PSMD1: variants seen among roughly 807,000 people sequenced by gnomAD.
PSMD1 encodes the protein proteasome 26S subunit, non-ATPase 1.
A neutral mutation model predicts 119.0 loss-of-function variants in PSMD1; 18 were observed. The observed-to-expected ratio is 0.15, with a 90% confidence interval of 0.10 to 0.22. PSMD1 has a LOEUF of 0.22. Ranked by LOEUF, PSMD1 falls within the 10% of genes least tolerant of loss-of-function variation. The pLI is 1.00. For synonymous variants in PSMD1, 374 were observed against 396.6 expected, an observed-to-expected ratio of 0.94 and a Z score of 0.68; for missense variants, 702 against 1,158.5, an observed-to-expected ratio of 0.61 and a Z score of 5.72.
chr2:231,099,762 G>A (rs1420706760), intron 16 of PSMD1, among the ~76,000 whole-genome samples: 3 of 152,140 alleles, frequency 2.0e-5, no homozygotes, highest in Non-Finnish European at 4.4e-5. Context: ...CTGGAGGTTT[G>A]TGTGAGGTTC....
intron 16 of PSMD1, among the ~76,000 whole-genome samples, chr2:231,090,006 G>A (rs1249838524): frequency 6.6e-6 from 1 of 152,158 alleles, no homozygotes; most frequent in East Asian, 1.9e-4. Flanking sequence ...CAGCACATCT[G>A]TTTATGTGGT....
At chr2:231,125,162 A>G (rs1695689811) in intron 16 of PSMD1, 1 of 152,214 alleles carries the variant, frequency 6.6e-6, no homozygotes, top group Non-Finnish European at 1.5e-5. Flanking sequence ...TGATACATTC[A>G]TTTTTAGAGA....
In PSMD1 at chr2:231,146,302, A is replaced by T; in HGVS notation, c.2061A>T (p.Ala687=). ...NDPVNYVRQG[A]LIASALIMIQ... ...CCGTGAACTACGTGAGGCAAGGGGC[A>T]CTCATAGCTTCAGCTCTCATCATGA... The change falls in exon 18 of 25, where the codon GCA becomes GCT. Residue 687 remains alanine, a synonymous_variant. Transcript: ENST00000308696. 1 of 1,613,972 alleles carries T rather than the reference A, an allele frequency of 6.2e-7. No individual in the cohort carries two copies. Among genetic ancestry groups the T allele is most frequent in the Non-Finnish European group, 8.5e-7 (1 of 1,179,898 alleles).
At chr2:231,160,151 T>G (rs142578196) in intron 19 of PSMD1, among the ~76,000 whole-genome samples, 49 of 152,358 alleles carry the variant, frequency 3.2e-4, no homozygotes, top group African/African-American at 1.2e-3. Context: ...TTTCATTCCT[T>G]TACATATTGT....
intron 10 of PSMD1, 44 bp downstream of exon 10, chr2:231,078,791 C>CTTTTTTTTTTTTTTTTTTTT (rs748353083): frequency 1.5e-5 from 5 of 342,880 alleles, no homozygotes; most frequent in African/African-American, 1.2e-4. Flanking sequence ...AAATCTTTTT[C>CTTTTTTTTTTTTTTTTTTTT]TTTTTTTTTT....
chr2:231,114,170 C>T (rs987399767), intron 16 of PSMD1, among the ~76,000 whole-genome samples: 1 of 152,122 alleles, frequency 6.6e-6, no homozygotes, highest in Non-Finnish European at 1.5e-5. Context: ...TCTAAGTCAG[C>T]AGCAGTTTAA....
chr2:231,062,797 C>A, intron 4 of PSMD1, 122 bp downstream of exon 4: 1 of 828,106 alleles, frequency 1.2e-6, no homozygotes, highest in Non-Finnish European at 1.7e-6. Flanking sequence ...AGTTCCTAAT[C>A]TTTCTATAAT....
At chr2:231,081,426 T>C (rs1015573651) in intron 12 of PSMD1, among the ~76,000 whole-genome samples, 2 of 152,212 alleles carry the variant, frequency 1.3e-5, no homozygotes, top group African/African-American at 4.8e-5. Flanking sequence ...GATGAACTAG[T>C]TCTCACAAAG....
At chr2:231,165,027 TA>T (rs1559255806) in intron 21 of PSMD1, 172 bp from the exon 22 acceptor site, 606 of 30,284 alleles carry the variant, frequency 0.02, 31 homozygotes, top group African/African-American at 0.073. Flanking sequence ...CTTTGATTTA[TA>T]TATATTTATA....
intron 19 of PSMD1, among the ~76,000 whole-genome samples, chr2:231,156,888 A>G (rs1559252949): frequency 6.6e-6 from 1 of 152,202 alleles, no homozygotes; most frequent in Non-Finnish European, 1.5e-5. Flanking sequence ...AGCTGTAGTC[A>G]TCATGCTGTA....
chr2:231,149,257 G>A (rs1696318318), intron 18 of PSMD1, among the ~76,000 whole-genome samples: 1 of 152,170 alleles, frequency 6.6e-6, no homozygotes, highest in Middle Eastern at 3.2e-3. Context: ...CTGGATCAAA[G>A]GTTCACATTT....
intron 12 of PSMD1, among the ~76,000 whole-genome samples, chr2:231,081,170 T>C (rs377355094): frequency 6.4e-5 from 9 of 140,480 alleles, no homozygotes; most frequent in African/African-American, 2.0e-4. Flanking sequence ...AAAAAAAGAT[T>C]GAAGCCAATA....
chr2:231,147,174 A>G (rs1354519227), intron 18 of PSMD1, among the ~76,000 whole-genome samples: 2 of 152,190 alleles, frequency 1.3e-5, no homozygotes, highest in African/African-American at 4.8e-5. Context: ...GTGACTCCAT[A>G]ATAGTTTTGA....
At chr2:231,081,677 G>A (rs1694313096) in intron 12 of PSMD1, among the ~76,000 whole-genome samples, 1 of 152,204 alleles carries the variant, frequency 6.6e-6, no homozygotes. Context: ...CCAGTGGGGA[G>A]GAGTATTACC....
chr2:231,153,806 A>T, intron 19 of PSMD1, 140 bp downstream of exon 19: 1 of 626,882 alleles, frequency 1.6e-6, no homozygotes, highest in Admixed American at 3.0e-5. Context: ...TGCAGTTCAC[A>T]GAGATCATGT....
At chr2:231,157,620 G>A (rs1696541519) in intron 19 of PSMD1, among the ~76,000 whole-genome samples, 1 of 151,712 alleles carries the variant, frequency 6.6e-6, no homozygotes, top group Non-Finnish European at 1.5e-5. Context: ...AGCCTGGAGT[G>A]CAGTGGCATG....
In PSMD1 at chr2:231,072,300, G is replaced by A; in HGVS notation, c.766G>A (p.Ala256Thr). 6.2e-7 allele frequency: 1 copy of A among 1,613,960 alleles called. No homozygotes were observed. Among genetic ancestry groups the A allele is most frequent in the Non-Finnish European group, 8.5e-7 (1 of 1,179,878 alleles). The stretch of plus-strand genomic sequence containing the variant: ...GATTTGTTTTGATTTGTATGAAAGT[G>A]CTAGCCAGCAGTTTTTGTCATCTGT... Reference protein sequence around the residue: ...YQICFDLYESASQQFLSSVIQ... With the variant: ...YQICFDLYESTSQQFLSSVIQ... The change falls in exon 7 of 25, where the codon GCT (alanine) becomes ACT (threonine). Residue 256 changes from alanine to threonine, a missense_variant. Transcript: ENST00000308696.
intron 19 of PSMD1, among the ~76,000 whole-genome samples, chr2:231,156,555 T>C (rs1696511421): frequency 6.6e-6 from 1 of 152,198 alleles, no homozygotes; most frequent in South Asian, 2.1e-4. Context: ...TCTGTAGTTT[T>C]ATTTTGTTTT....
chr2:231,144,081 TATTTTTC>T (rs997519313), intron 17 of PSMD1, among the ~76,000 whole-genome samples: 39 of 152,306 alleles, frequency 2.6e-4, no homozygotes, highest in African/African-American at 9.4e-4. Flanking sequence ...TGTTTATTAC[TATTTTTC>T]TTTTTTCTTT....
Sources: allele counts gnomAD v4.1 joint callset (sites outside exome capture counted in the v4.1 genomes callset), GRCh38; gene constraint gnomAD v4.1.1; transcripts MANE v1.5; gene names NCBI Gene and HGNC (gene_info 2026-07-23, HGNC 2026-07-21).